MINK1: variants seen among roughly 807,000 people sequenced by gnomAD.
MINK1 encodes misshapen-like kinase 1.
A neutral mutation model predicts 178.4 loss-of-function variants in MINK1; 46 were observed. The observed-to-expected ratio is 0.26, with a 90% CI of 0.20 to 0.33. The LOEUF (loss-of-function observed/expected upper bound fraction) is 0.33, where lower values mean the gene tolerates loss of function less well. MINK1 is among the 10% of genes least tolerant of loss of function. The pLI is 1.00. For missense variants in MINK1, 1,366 were observed against 1,814.9 expected, an observed-to-expected ratio of 0.75 and a Z score of 4.49; for synonymous variants, 797 against 709.7, an observed-to-expected ratio of 1.12 and a Z score of -1.96.
chr17:4,873,162 A>G (rs1966878124), intron 1 of MINK1, among the ~76,000 whole-genome samples: 1 of 152,006 alleles, frequency 6.6e-6, no homozygotes, highest in Admixed American at 6.6e-5. Flanking sequence ...TGCTGCTCTC[A>G]CGTGTTGCCC....
chr17:4,848,501 C>T (rs1377015489), intron 1 of MINK1, among the ~76,000 whole-genome samples: 5 of 152,064 alleles, frequency 3.3e-5, no homozygotes, highest in Admixed American at 3.3e-4. Context: ...GCTGGGACTA[C>T]AGGCACCTGC....
Position 4,887,916 on chromosome 17 carries a change from T to C in MINK1, c.1230+126T>C, listed in dbSNP as rs979278041. ...AATGGCATTTCTGTTGAAACAATTA[T>C]ATGATTTCAAATTTCATGATGAGCT... On this transcript the variant is annotated intron_variant, in intron 12 of 31. Transcript: ENST00000355280. The surrounding 1 kb of genome is among the most constrained non-coding windows in gnomAD (Gnocchi z 7.6). 5 of 775,188 alleles carry C rather than the reference T, an allele frequency of 6.5e-6. No homozygotes were observed. The highest frequency in any genetic ancestry group is 7.6e-6 in the Non-Finnish European group (4 of 524,634). 48.0% of individuals were successfully genotyped at this position (775,188 alleles called of 1,614,324 possible). A position where few individuals can be genotyped will look rare whatever the true frequency, so the allele number is the denominator to read the frequency against.
intron 1 of MINK1, among the ~76,000 whole-genome samples, chr17:4,876,052 C>T (rs1280171200): frequency 6.6e-6 from 1 of 152,078 alleles, no homozygotes; most frequent in Non-Finnish European, 1.5e-5. Context: ...GCTTCAGCCT[C>T]TCAAAGTGCT....
chr17:4,882,074 C>A (rs1012773735), intron 4 of MINK1, among the ~76,000 whole-genome samples: 4 of 152,238 alleles, frequency 2.6e-5, no homozygotes, highest in Admixed American at 6.5e-5. Flanking sequence ...CACACTCATG[C>A]ACACAAAGAA....
chr17:4,837,594 T>C (rs1909502221), intron 1 of MINK1, among the ~76,000 whole-genome samples: 1 of 152,202 alleles, frequency 6.6e-6, no homozygotes, highest in Non-Finnish European at 1.5e-5. Context: ...CAGGAGAACC[T>C]TCTGACTTGG....
Position 4,896,981 on chromosome 17 carries a change from T to G in MINK1, c.3915+168T>G. On this transcript the variant is annotated intron_variant, in intron 31 of 31. Transcript: ENST00000355280. The surrounding 1 kb of genome is among the most constrained non-coding windows in gnomAD (Gnocchi z 4.6). ...ACCACTGCCCTGCGCTCCCTTCAGA[T>G]TCCGAGGACTTCCCAGCTGGCCCCC... 1 of 1,034,084 alleles carries G rather than the reference T, an allele frequency of 9.7e-7. No homozygotes were observed. Among genetic ancestry groups the G allele is most frequent in the Non-Finnish European group, 1.4e-6 (1 of 723,584 alleles). 64.1% of individuals were successfully genotyped at this position (1,034,084 alleles called of 1,614,324 possible).
At chr17:4,879,834 GTC>G (rs1375897182) in intron 2 of MINK1, among the ~76,000 whole-genome samples, 1 of 152,188 alleles carries the variant, frequency 6.6e-6, no homozygotes, top group Non-Finnish European at 1.5e-5. Context: ...TCTCAGCTCT[GTC>G]TCTGTTCTTT....
Position 4,885,553 on chromosome 17 carries a change from C to T in MINK1, c.579C>T (p.Tyr193=). Reference sequence around the variant, plus strand: ...GGAACACTTTCATTGGGACTCCCTACTGGATGGCTCCAGAGGTCATCGCCT... The same window carrying T: ...GGAACACTTTCATTGGGACTCCCTATTGGATGGCTCCAGAGGTCATCGCCT... ...GRRNTFIGTP[Y]WMAPEVIACD... The change falls in exon 7 of 32, where the codon TAC becomes TAT. Residue 193 remains tyrosine, a synonymous_variant. Coordinates refer to ENST00000355280, the MANE Select transcript of MINK1 (RefSeq NM_153827.5). This position sits in a 1 kb window ranked among gnomAD's most constrained non-coding sequence, Gnocchi z 5.0. 6.2e-7 allele frequency: 1 copy of T among 1,614,004 alleles called. No homozygotes were observed. Among genetic ancestry groups the T allele is most frequent in the Non-Finnish European group, 8.5e-7 (1 of 1,179,884 alleles).
chr17:4,848,602 C>T (rs1436184030), intron 1 of MINK1, among the ~76,000 whole-genome samples: 2 of 152,174 alleles, frequency 1.3e-5, no homozygotes, highest in Non-Finnish European at 2.9e-5. Flanking sequence ...CCTCGTGATC[C>T]GCCTGCCTCG....
chr17:4,861,881 G>A (rs1342715568), intron 1 of MINK1, among the ~76,000 whole-genome samples: 2 of 152,216 alleles, frequency 1.3e-5, no homozygotes, highest in African/African-American at 4.8e-5. Context: ...TCTAGTGAGT[G>A]AGAGAAAGCA....
rs868529436 is a variant in MINK1, at chr17:4,892,436, C to A, written c.2122C>A (p.Gln708Lys). 1 of 1,563,716 alleles carries A rather than the reference C, an allele frequency of 6.4e-7. No individual in the cohort carries two copies. The highest frequency in any genetic ancestry group is 1.9e-5 in the Admixed American group (1 of 52,974). The change falls in exon 18 of 32, where the codon CAA becomes AAA. Residue 708 changes from glutamine (Q) to lysine (K), a missense_variant. By Grantham distance (53) the Gln-to-Lys change is moderately conservative (BLOSUM62 1). Around this residue, in one of 14 missense-constraint regions of MINK1, gnomAD observed 709 missense variants for 692.3 expected, o/e 1.02. Coordinates refer to ENST00000355280, the MANE Select transcript of MINK1 (RefSeq NM_153827.5). ...RSNSAWQIYL[Q>K]RRAERGTPKP... ...CAACTCCGCCTGGCAAATCTATCTG[C>A]AAAGGCGGGCAGAGCGGGGCACCCC...
In MINK1 at chr17:4,895,588, G is replaced by A. The variant is rs1178817963; in HGVS notation, c.3229+95G>A. 4 of 1,547,500 alleles carry A rather than the reference G, an allele frequency of 2.6e-6. No individual in the cohort carries two copies. Among genetic ancestry groups the A allele is most frequent in the African/African-American group, 2.7e-5 (2 of 73,880 alleles). On this transcript the variant is annotated intron_variant, in intron 26 of 31. Transcript: ENST00000355280. This position sits in a 1 kb window ranked among gnomAD's most constrained non-coding sequence, Gnocchi z 4.3. The stretch of plus-strand genomic sequence containing the variant: ...GGAGGAGGGCAGGCACTGGAAGGTG[G>A]GGCCACACTTTCTCACCCCTTGTGG...
Position 4,894,305 on chromosome 17 carries a change from T to A in MINK1, c.2802T>A (p.Ser934Arg). Residue 934 changes from serine (S) to arginine (R), a missense_variant, in exon 23 of 32, where the codon AGT becomes AGA. Coordinates refer to ENST00000355280, the MANE Select transcript of MINK1 (RefSeq NM_153827.5). The surrounding 1 kb of genome is among the most constrained non-coding windows in gnomAD (Gnocchi z 4.1). ...KGQSPPSKDG[S>R]GDYQSRGLVK... ...AAAGCCCACCCTCGAAGGATGGGAGTGGTGACGTAAGTGGGCCGGAGGCAG... is the reference window on the plus strand; with the variant it reads ...AAAGCCCACCCTCGAAGGATGGGAGAGGTGACGTAAGTGGGCCGGAGGCAG... 6.2e-7 allele frequency: 1 copy of A among 1,601,756 alleles called. No individual in the cohort carries two copies. Among genetic ancestry groups the A allele is most frequent in the Middle Eastern group, 1.7e-4 (1 of 6,026 alleles).
rs1397951012 is a variant in MINK1 at position 4,893,083 on chromosome 17, G to A, written c.2400+16G>A. The A allele has an allele frequency of 6.4e-7, 1 of 1,553,908 alleles. No homozygotes were observed. Among genetic ancestry groups the A allele is most frequent in the South Asian group, 1.2e-5 (1 of 84,476 alleles). On this transcript the variant is annotated intron_variant, in intron 20 of 31. Coordinates refer to ENST00000355280, the MANE Select transcript of MINK1 (RefSeq NM_153827.5). The stretch of plus-strand genomic sequence containing the variant: ...CCGGCCCGCAGTGAGTCACCTGGTG[G>A]CAGGCATGGCCTGCCTCATCCTGGT...
chr17:4,890,627 G>A lies in MINK1; in HGVS notation c.1458G>A (p.Gln486=). 1.9e-6 allele frequency: 3 copies of A among 1,556,838 alleles called. No individual in the cohort carries two copies. Among genetic ancestry groups the A allele is most frequent in the Non-Finnish European group, 1.7e-6 (2 of 1,150,642 alleles). ...CCCTGCAGCAGCAGCAACAGCAGCAGCAGCTTCAGAAACAGCAGCAGCAGC... is the reference window on the plus strand; with the variant it reads ...CCCTGCAGCAGCAGCAACAGCAGCAACAGCTTCAGAAACAGCAGCAGCAGC... ...LKSLQQQQQQ[Q]QLQKQQQQQL... Residue 486 remains glutamine (Q), a synonymous_variant, in exon 14 of 32, where the codon CAG becomes CAA. Coordinates refer to ENST00000355280, the MANE Select transcript of MINK1 (RefSeq NM_153827.5).
chr17:4,852,023 A>AC (rs1276065821), intron 1 of MINK1, among the ~76,000 whole-genome samples: 6 of 133,908 alleles, frequency 4.5e-5, no homozygotes, highest in Non-Finnish European at 8.0e-5. Context: ...AAAAAAAAAA[A>AC]AAAACTAAGA....
chr17:4,897,507 A>G lies in MINK1; in HGVS notation c.*220A>G. On this transcript the variant is annotated 3_prime_UTR_variant, in exon 32 of 32. Transcript: ENST00000355280. ...TCTTCCCAAAACTGTGCCTGTCCCCAGCTTCTGGGGAGGGACACAGCTTCC... is the reference window on the plus strand; with the variant it reads ...TCTTCCCAAAACTGTGCCTGTCCCCGGCTTCTGGGGAGGGACACAGCTTCC... The G allele has an allele frequency of 1.9e-6, 1 of 531,062 alleles. No homozygotes were observed. The highest frequency in any genetic ancestry group is 3.3e-5 in the East Asian group (1 of 30,556). 32.9% of individuals were successfully genotyped at this position (531,062 alleles called of 1,614,324 possible).
Position 4,895,070 on chromosome 17 carries a change from G to C in MINK1, c.2918-5G>C, listed in dbSNP as rs761505798. ...CCTCCTCCCACCTCCTCCTCCTTCT[G>C]GCAGCCCTAGTGGGTGGAGAGGGCA... On this transcript the variant is annotated splice_polypyrimidine_tract_variant and splice_region_variant and intron_variant, in intron 24 of 31. Coordinates refer to ENST00000355280, the MANE Select transcript of MINK1 (RefSeq NM_153827.5). The surrounding 1 kb of genome is among the most constrained non-coding windows in gnomAD (Gnocchi z 4.3). 6.2e-7 allele frequency: 1 copy of C among 1,613,154 alleles called. No individual in the cohort carries two copies. Among genetic ancestry groups the C allele is most frequent in the South Asian group, 1.1e-5 (1 of 91,072 alleles).
chr17:4,868,136 C>A (rs1269376022), intron 1 of MINK1, among the ~76,000 whole-genome samples: 1 of 151,992 alleles, frequency 6.6e-6, no homozygotes, highest in Admixed American at 6.6e-5. Flanking sequence ...ACCACCACGC[C>A]CAGCTAATTT....
Sources: gnomAD v4.1 joint callset for allele counts (sites outside exome capture counted in the v4.1 genomes callset) on GRCh38, gnomAD v4.1.1 for gene constraint, gnomAD v4.1.1 regional missense constraint, Gnocchi (gnomAD v3.1) non-coding constraint, MANE v1.5 for transcripts, NCBI Gene and HGNC (gene_info 2026-07-23, HGNC 2026-07-21) for gene names.